The following OFD1 variants were observed in gnomAD, a reference collection of about 807,000 sequenced individuals.
The protein encoded by OFD1 is centriole and centriolar satellite protein OFD1.
A neutral mutation model predicts 81.4 loss-of-function variants in OFD1; 12 were observed. The observed-to-expected ratio is 0.15, with a 90% CI of 0.09 to 0.24. OFD1 has a LOEUF of 0.24. Ranked by LOEUF, OFD1 falls within the 10% of genes least tolerant of loss-of-function variation. The probability of loss-of-function intolerance (pLI) is 1.00; values close to 1 mark genes in which losing one functional copy is unlikely to be tolerated. For synonymous variants in OFD1, 256 were observed against 263.7 expected (o/e 0.97, Z 0.28); for missense variants, 685 against 733.9 (o/e 0.93, Z 0.77).
intron 5 of OFD1, chrX:13,739,925 A>C (rs1000033210): frequency 1.1e-4 from 82 of 752,392 alleles, no homozygotes; most frequent in South Asian, 9.5e-4. Flanking sequence ...GTTATTCTTT[A>C]GGTCTTTTAA....
At chrX:13,736,344 C>T in intron 2 of OFD1, 134 bp from the exon 3 acceptor site, 4 of 1,095,717 alleles carry the variant, frequency 3.7e-6, no homozygotes, top group Non-Finnish European at 3.7e-6. Flanking sequence ...GGCCATGGAT[C>T]TAGAACCATT....
In OFD1 at chrX:13,734,791, T is replaced by A; in HGVS notation, c.-281T>A. Reference sequence around the variant, plus strand: ...CTGCCTCGCTGCCTTCAGTCCCTAGTGTCTGGGTCCCCGCCCTCCAGCCGC... The same window carrying A: ...CTGCCTCGCTGCCTTCAGTCCCTAGAGTCTGGGTCCCCGCCCTCCAGCCGC... On this transcript the variant is annotated 5_prime_UTR_variant, in exon 1 of 23. Transcript: ENST00000340096. 2 of 1,070,421 alleles carry A rather than the reference T, an allele frequency of 1.9e-6. No homozygotes were observed. Among genetic ancestry groups the A allele is most frequent in the South Asian group, 2.5e-5 (1 of 39,845 alleles). 88.2% of individuals were successfully genotyped at this position (1,070,421 alleles called of 1,213,427 possible).
At chrX:13,744,798 G>A (rs1268983579) in intron 6 of OFD1, among the ~76,000 whole-genome samples, 2 of 112,421 alleles carry the variant, frequency 1.8e-5, no homozygotes, top group African/African-American at 3.2e-5. Context: ...TCTCTTAACT[G>A]GGAGGTTCTT....
At chrX:13,751,149 G>T (rs902645543) in intron 9 of OFD1, 100 bp from the exon 10 acceptor site, 1 of 761,953 alleles carries the variant, frequency 1.3e-6, no homozygotes, top group African/African-American at 2.1e-5. Flanking sequence ...ATATCATGTA[G>T]CAGTTTTAGT....
chrX:13,761,892 G>A (rs1413669807), intron 17 of OFD1, among the ~76,000 whole-genome samples: 3 of 101,714 alleles, frequency 2.9e-5, no homozygotes, highest in Non-Finnish European at 3.9e-5. Context: ...TGGGCCTGTC[G>A]TAGTCCTAAA....
the OFD1 span, chrX:13,716,013 T>C: frequency 2.5e-6 from 3 of 1,187,971 alleles, no homozygotes; most frequent in Non-Finnish European, 2.3e-6. Context: ...CCTTTATATA[T>C]AAATCATAAA....
intron 22 of OFD1, 45 bp downstream of exon 22, chrX:13,768,830 C>A: frequency 9.5e-7 from 1 of 1,057,417 alleles, no homozygotes; most frequent in Non-Finnish European, 1.3e-6. Flanking sequence ...CTGTTAATTG[C>A]TTATTTTGTC....
intron 5 of OFD1, among the ~76,000 whole-genome samples, chrX:13,741,062 C>T (rs942408572): frequency 9.0e-6 from 1 of 111,097 alleles, no homozygotes; most frequent in East Asian, 2.8e-4. Flanking sequence ...ATCGCTTGAA[C>T]CCAGGAGGCA....
intron 3 of OFD1, among the ~76,000 whole-genome samples, chrX:13,737,822 A>C (rs1306115738): frequency 9.0e-6 from 1 of 111,669 alleles, no homozygotes; most frequent in African/African-American, 3.3e-5. Flanking sequence ...AAGCAACCAA[A>C]TTTTATTTGT....
At chrX:13,721,404 A>G in the OFD1 span, 3 of 112,541 alleles carry the variant, frequency 2.7e-5, no homozygotes, top group African/African-American at 9.7e-5. Flanking sequence ...CCCACAGTAC[A>G]TGCTCAATTA....
At chrX:13,735,524 G>A (rs747286251) in intron 2 of OFD1, among the ~76,000 whole-genome samples, 178 bp downstream of exon 2, 3 of 112,547 alleles carry the variant, frequency 2.7e-5, no homozygotes, top group African/African-American at 9.7e-5. Context: ...TCTTGAAAAT[G>A]TTTGAGAAAA....
At chrX:13,755,108 T>C (rs2047651447) in intron 11 of OFD1, 43 bp from the exon 12 acceptor site, 2 of 968,071 alleles carry the variant, frequency 2.1e-6, no homozygotes, top group Non-Finnish European at 1.5e-6. Flanking sequence ...TTGTATTCAC[T>C]AGGAAAACAT....
At chrX:13,730,444 T>C (rs1234154574), upstream of OFD1, among the ~76,000 whole-genome samples, 5 of 111,795 alleles carry the variant, frequency 4.5e-5, no homozygotes, top group Non-Finnish European at 7.5e-5. Flanking sequence ...TGTGGAGAAA[T>C]AGGAACACTT....
chrX:13,761,051 T>C, intron 16 of OFD1, 34 bp from the exon 17 acceptor site: 1 of 1,209,377 alleles, frequency 8.3e-7, no homozygotes, highest in South Asian at 1.8e-5. Flanking sequence ...GTGCAATTGG[T>C]AATATTCTTG....
the OFD1 span, chrX:13,720,267 G>A: frequency 1.2e-5 from 2 of 164,020 alleles, no homozygotes. Context: ...CTGAAAATAT[G>A]GCTCATTCAG....
rs1569096834 is a variant in OFD1, at chrX:13,734,825, C to G, written c.-247C>G. On this transcript the variant is annotated 5_prime_UTR_variant, in exon 1 of 23. Transcript: ENST00000340096. ...CCCCGCCCTCCAGCCGCCTTTGAGT[C>G]GTGCCTGGGTCCTCGCCCTTGCCTC... The G allele has an allele frequency of 2.8e-6, 3 of 1,077,504 alleles. No individual in the cohort carries two copies. The highest frequency in any genetic ancestry group is 2.4e-5 in the South Asian group (1 of 40,843). 88.8% of individuals were successfully genotyped at this position (1,077,504 alleles called of 1,213,427 possible). A position where few individuals can be genotyped will look rare whatever the true frequency, so the allele number is the denominator to read the frequency against.
At chrX:13,762,526 A>C in intron 18 of OFD1, 82 bp downstream of exon 18, 1 of 617,815 alleles carries the variant, frequency 1.6e-6, no homozygotes, top group Non-Finnish European at 2.7e-6. Flanking sequence ...CATTGGTTTA[A>C]AAAGAAAAGC....
chrX:13,762,242 AT>A, intron 17 of OFD1, 101 bp from the exon 18 acceptor site: 2 of 554,431 alleles, frequency 3.6e-6, no homozygotes, highest in East Asian at 6.7e-5. Context: ...GAGAAAGGGA[AT>A]TTTGTAGAGC....
chrX:13,756,043 C>T (rs973303520), intron 12 of OFD1, among the ~76,000 whole-genome samples: 6 of 104,747 alleles, frequency 5.7e-5, no homozygotes, highest in African/African-American at 2.1e-4. Context: ...CAACCTCCAC[C>T]TCCCGGGTTC....
Sources: allele counts gnomAD v4.1 joint callset (sites outside exome capture counted in the v4.1 genomes callset), GRCh38; gene constraint gnomAD v4.1.1; transcripts MANE v1.5; gene names NCBI Gene and HGNC (gene_info 2026-07-23, HGNC 2026-07-21).